Variants in SORBS2 observed in about 807,000 individuals in gnomAD.
The protein encoded by SORBS2 is sorbin and SH3 domain containing 2.
SORBS2 carries 46 observed loss-of-function variants against 97.7 expected under a neutral mutation model. The observed-to-expected ratio is 0.47, with a 90% CI of 0.37 to 0.60. SORBS2 has a LOEUF of 0.60. Among genes scored for constraint, SORBS2 ranks in the 20% least tolerant of loss-of-function variants. SORBS2 has a pLI of 0.00. For missense variants in SORBS2, 1,316 were observed against 1,282.3 expected (o/e 1.03, Z -0.40); for synonymous variants, 476 against 473.4 (o/e 1.01, Z -0.07).
chr4:185,588,059 G>A, intron 14 of SORBS2: 1 of 202,230 alleles, frequency 4.9e-6, no homozygotes. Context: ...CAGGTGACAG[G>A]GTGAGTGGAA....
intron 8 of SORBS2, among the ~76,000 whole-genome samples, chr4:185,619,204 G>A (rs558175669): frequency 5.1e-4 from 77 of 152,272 alleles, no homozygotes; most frequent in African/African-American, 1.6e-3. Context: ...CCAGCCACTC[G>A]TCTTTTAGTT....
chr4:185,638,196 G>A, intron 4 of SORBS2, 34 bp from the exon 15 acceptor site: 1 of 1,308,630 alleles, frequency 7.6e-7, no homozygotes, highest in Non-Finnish European at 1.1e-6. Context: ...GGAAGGAAAA[G>A]GCACACTGAG....
intron 1 of SORBS2, among the ~76,000 whole-genome samples, chr4:185,839,632 T>C (rs2099210300): frequency 6.6e-6 from 1 of 152,210 alleles, no homozygotes; most frequent in African/African-American, 2.4e-5. Flanking sequence ...TATAGTGCTG[T>C]AAAGAGTTGT....
At chr4:185,846,734 T>C (rs1480419067) in intron 1 of SORBS2, among the ~76,000 whole-genome samples, 1 of 152,178 alleles carries the variant, frequency 6.6e-6, no homozygotes, top group Non-Finnish European at 1.5e-5. Context: ...GTGCTTCTGC[T>C]GAGTGCTCCA....
At chr4:185,592,843 T>C (rs1390991733) in intron 13 of SORBS2, 1 of 152,258 alleles carries the variant, frequency 6.6e-6, no homozygotes, top group African/African-American at 2.4e-5. Context: ...CACCTAACCT[T>C]CAGTGAGATT....
rs559004633 is a variant in SORBS2 at position 185,667,271 on chromosome 4, T to C, written c.-45-5029A>G. 7.4e-4 allele frequency among the ~76,000 whole-genome samples: 112 copies of C among 152,344 alleles called. 1 individual carries two copies. In the South Asian group the frequency reaches 0.023, roughly 31 times the overall value. Reference sequence around the variant, plus strand: ...ATGAATGAAGGAGAACTGTTTACACTTAGAAATACTGCCTAGTAAATGTTT... The same window carrying C: ...ATGAATGAAGGAGAACTGTTTACACCTAGAAATACTGCCTAGTAAATGTTT... On this transcript the variant is annotated intron_variant, in intron 4 of 20. Transcript: ENST00000284776.
chr4:185,936,963 G>GCTT (rs1436727737), intron 1 of SORBS2, among the ~76,000 whole-genome samples: 1 of 152,214 alleles, frequency 6.6e-6, no homozygotes. Context: ...TTCTTAGACA[G>GCTT]TAAGAGGACT....
In SORBS2 at chr4:185,691,414, TG is replaced by T. The variant is rs549428061; in HGVS notation, c.-197-12593del. ...TTTCTTTTACAAATATTTATACAAA[TG>T]GTTTTTGTTCTCTAAGCCTGAAATG... On this transcript the variant is annotated intron_variant, in intron 2 of 20. Coordinates refer to the SORBS2 transcript ENST00000284776. 4.6e-5 allele frequency among the ~76,000 whole-genome samples: 7 copies of T among 152,186 alleles called. No individual in the cohort carries two copies. In the South Asian group the frequency reaches 1.0e-3, roughly 23 times the overall value.
At chr4:185,834,161 G>A (rs1452844874) in intron 1 of SORBS2, among the ~76,000 whole-genome samples, 1 of 152,172 alleles carries the variant, frequency 6.6e-6, no homozygotes, top group Non-Finnish European at 1.5e-5. Context: ...TTGGCTTGTG[G>A]TTCCACAGGC....
intron 2 of SORBS2, chr4:185,690,594 T>C: frequency 6.7e-7 from 1 of 1,499,542 alleles, no homozygotes; most frequent in Non-Finnish European, 9.0e-7. Flanking sequence ...GAGTTTGTTA[T>C]TAAAGTCTTC....
chr4:185,917,367 T>C (rs995202295), intron 1 of SORBS2, among the ~76,000 whole-genome samples: 7 of 152,148 alleles, frequency 4.6e-5, no homozygotes, highest in African/African-American at 1.7e-4. Flanking sequence ...GCTGGGACTA[T>C]AGGTGCAAGC....
chr4:185,897,208 C>T (rs1263569606), intron 1 of SORBS2, among the ~76,000 whole-genome samples: 4 of 152,190 alleles, frequency 2.6e-5, no homozygotes, highest in Non-Finnish European at 5.9e-5. Context: ...CTCTAACTTT[C>T]GCTCCGCCTT....
chr4:185,841,517 G>C (rs1327949872), intron 1 of SORBS2, among the ~76,000 whole-genome samples: 1 of 152,176 alleles, frequency 6.6e-6, no homozygotes, highest in Non-Finnish European at 1.5e-5. Context: ...CTAGCCAGCA[G>C]GATCTCATGT....
At chr4:185,845,164 C>T (rs996183504) in intron 1 of SORBS2, among the ~76,000 whole-genome samples, 4 of 151,870 alleles carry the variant, frequency 2.6e-5, no homozygotes, top group African/African-American at 4.8e-5. Context: ...TAGTGGACAC[C>T]ACCACCCCCC....
At chr4:185,940,055 ACCT>A (rs2099271091) in intron 1 of SORBS2, among the ~76,000 whole-genome samples, 1 of 152,104 alleles carries the variant, frequency 6.6e-6, no homozygotes, top group Non-Finnish European at 1.5e-5. Flanking sequence ...CTCTGGGCTG[ACCT>A]CCTACATCAG....
chr4:185,901,746 CA>C (rs1561282769), intron 1 of SORBS2, among the ~76,000 whole-genome samples: 1 of 152,142 alleles, frequency 6.6e-6, no homozygotes, highest in East Asian at 1.9e-4. Context: ...GGGTTTCGAA[CA>C]ATGAATTACA....
At chr4:185,736,696 A>G (rs553718075) in intron 2 of SORBS2, among the ~76,000 whole-genome samples, 7 of 152,228 alleles carry the variant, frequency 4.6e-5, no homozygotes, top group South Asian at 2.1e-4. Context: ...GGCCACTGGA[A>G]CACAACCCAC....
chr4:185,726,605 A>G (rs2153566187), intron 2 of SORBS2, among the ~76,000 whole-genome samples: 1 of 151,392 alleles, frequency 6.6e-6, no homozygotes, highest in Middle Eastern at 3.5e-3. Context: ...CAGAAACATA[A>G]GGATATTTAG....
chr4:185,859,981 T>C (rs2099222769), intron 1 of SORBS2, among the ~76,000 whole-genome samples: 1 of 152,190 alleles, frequency 6.6e-6, no homozygotes, highest in Non-Finnish European at 1.5e-5. Flanking sequence ...ATGCTCAAGA[T>C]CCTTCCATAA....
Sources: allele counts gnomAD v4.1 joint callset (sites outside exome capture counted in the v4.1 genomes callset), GRCh38; gene constraint gnomAD v4.1.1; transcripts MANE v1.5; gene names NCBI Gene and HGNC (gene_info 2026-07-23, HGNC 2026-07-21).